Variants in CACNA2D3 observed in about 807,000 individuals in gnomAD.
The protein encoded by CACNA2D3 is calcium voltage-gated channel auxiliary subunit alpha2delta 3.
Under a neutral mutation model 160.6 loss-of-function variants are expected in CACNA2D3, and 60 were observed. That is an observed-to-expected ratio of 0.37 (90% confidence interval 0.30 to 0.46). CACNA2D3 has a LOEUF of 0.46. CACNA2D3 is among the 20% of genes least tolerant of loss of function. The pLI is 1.00. For missense variants in CACNA2D3, 1,205 were observed against 1,365.0 expected (o/e 0.88, Z 1.85); for synonymous variants, 558 against 492.9 (o/e 1.13, Z -1.75).
At chr3:54,731,382 A>G (rs59004379) in intron 11 of CACNA2D3, among the ~76,000 whole-genome samples, 31,257 of 152,166 alleles carry the variant, frequency 0.21, 3,476 homozygotes, top group African/African-American at 0.24. Context: ...TAGGTTCTTC[A>G]GACCCTCATA....
At chr3:54,948,533 A>C (rs1324066550) in intron 27 of CACNA2D3, among the ~76,000 whole-genome samples, 1 of 151,244 alleles carries the variant, frequency 6.6e-6, no homozygotes, top group Non-Finnish European at 1.5e-5. Flanking sequence ...CACCATGAGC[A>C]CCTCTGCATG....
intron 18 of CACNA2D3, among the ~76,000 whole-genome samples, chr3:54,876,582 A>G (rs142774011): frequency 2.0e-5 from 3 of 152,370 alleles, no homozygotes; most frequent in Non-Finnish European, 4.4e-5. Context: ...TATTAATGCT[A>G]TAAAGTATTT....
intron 13 of CACNA2D3, among the ~76,000 whole-genome samples, chr3:54,806,881 G>A (rs1018391328): frequency 2.0e-5 from 3 of 152,084 alleles, no homozygotes; most frequent in African/African-American, 7.2e-5. Flanking sequence ...ACAGAACAGA[G>A]CCCTCAGAAA....
At chr3:54,291,974 A>G (rs1703218202) in intron 2 of CACNA2D3, among the ~76,000 whole-genome samples, 1 of 152,244 alleles carries the variant, frequency 6.6e-6, no homozygotes, top group South Asian at 2.1e-4. Context: ...TAAAGTTGAA[A>G]AACAACATTA....
intron 13 of CACNA2D3, among the ~76,000 whole-genome samples, chr3:54,795,872 G>A (rs1275213040): frequency 1.3e-5 from 2 of 152,132 alleles, no homozygotes; most frequent in South Asian, 2.1e-4. Context: ...ATTAATCAAC[G>A]GCAGGAAAAA....
At chr3:54,871,658 C>T in intron 18 of CACNA2D3, 36 bp downstream of exon 18, 1 of 1,502,806 alleles carries the variant, frequency 6.7e-7, no homozygotes, top group Non-Finnish European at 9.3e-7. Context: ...TGGAGAAGGA[C>T]CTGCATTGTA....
chr3:54,157,589 A>G (rs1282519540), intron 2 of CACNA2D3, among the ~76,000 whole-genome samples: 3 of 152,186 alleles, frequency 2.0e-5, no homozygotes, highest in African/African-American at 7.2e-5. Context: ...CGGGAGTTCG[A>G]GACCAGCCTG....
rs1559478654 is a variant in CACNA2D3, at chr3:55,067,100, G to GGT, written c.2988-6345_2988-6344insGT. 6.3e-5 allele frequency among the ~76,000 whole-genome samples: 9 copies of GGT among 143,596 alleles called. No homozygotes were observed. The South Asian group carries it at 1.5e-3, about 24-fold the overall frequency. 94.2% of individuals were successfully genotyped at this position (143,596 alleles called of 152,430 possible). On this transcript the variant is annotated intron_variant, in intron 35 of 37. Transcript: ENST00000474759. ...ATCTTTCCGCTGGCAATCTTTTGTA[G>GGT]CGGGGGGGGCTTTTCTCCTCTCAGT...
intron 9 of CACNA2D3, among the ~76,000 whole-genome samples, chr3:54,602,246 C>G (rs6804566): frequency 0.11 from 16,974 of 152,136 alleles, 1,302 homozygotes; most frequent in African/African-American, 0.21. Flanking sequence ...GCCTGTAATC[C>G]TAGCATTTTG....
chr3:54,194,872 C>A (rs1701050518), intron 2 of CACNA2D3, among the ~76,000 whole-genome samples: 1 of 152,198 alleles, frequency 6.6e-6, no homozygotes, highest in Non-Finnish European at 1.5e-5. Flanking sequence ...ATCACAATGG[C>A]CATTACATTC....
intron 2 of CACNA2D3, among the ~76,000 whole-genome samples, chr3:54,266,606 G>C (rs1313148718): frequency 6.6e-6 from 1 of 152,180 alleles, no homozygotes; most frequent in African/African-American, 2.4e-5. Context: ...ATTCATATTT[G>C]CTGATGAGTG....
chr3:54,820,006 A>C (rs1703551082), intron 14 of CACNA2D3, among the ~76,000 whole-genome samples: 1 of 152,136 alleles, frequency 6.6e-6, no homozygotes, highest in Admixed American at 6.5e-5. Context: ...GACATTACCC[A>C]TAGATTTCAC....
At chr3:54,286,834 G>A (rs9843365) in intron 2 of CACNA2D3, among the ~76,000 whole-genome samples, 86,818 of 151,198 alleles carry the variant, frequency 0.57, 25,723 homozygotes, top group East Asian at 0.72. Flanking sequence ...ACTAAGCTTC[G>A]TAAGTGAAGG....
intron 35 of CACNA2D3, among the ~76,000 whole-genome samples, chr3:55,023,745 T>G (rs531416617): frequency 3.2e-4 from 49 of 152,080 alleles, no homozygotes; most frequent in Non-Finnish European, 5.9e-4. Context: ...ATAATTGTTA[T>G]GTAAGTTTTT....
chr3:54,224,405 A>G (rs73087948), intron 2 of CACNA2D3, among the ~76,000 whole-genome samples: 7,281 of 152,254 alleles, frequency 0.048, 290 homozygotes, highest in East Asian at 0.21. Context: ...GTACGTAACT[A>G]TATGTGCTAT....
In CACNA2D3 at chr3:54,450,463, T is replaced by A. The variant is rs75735487; in HGVS notation, c.382-53029T>A. 8.5e-3 allele frequency among the ~76,000 whole-genome samples: 1,300 copies of A among 152,262 alleles called. 13 individuals are homozygous for A. Among genetic ancestry groups the A allele is most frequent in the African/African-American group, 0.027 (1,106 of 41,542 alleles). ...GTCCCCTATGAATCTCATATTGAAA[T>A]TTGATCCCCATTGTTGGAGGTGAGG... On this transcript the variant is annotated intron_variant, in intron 4 of 37. Transcript: ENST00000474759.
chr3:54,174,506 C>T (rs72972030), intron 2 of CACNA2D3, among the ~76,000 whole-genome samples: 2,443 of 152,116 alleles, frequency 0.016, 59 homozygotes, highest in African/African-American at 0.057. Flanking sequence ...GGGGTTATTA[C>T]AAAAGTAGAA....
In CACNA2D3 at chr3:54,898,228, C is replaced by CTT. The variant is rs1182998445; in HGVS notation, c.2368+1369_2368+1370dup. 6.2e-5 allele frequency among the ~76,000 whole-genome samples: 8 copies of CTT among 128,176 alleles called. No homozygotes were observed. The East Asian group carries it at 1.3e-3, about 21-fold the overall frequency. The allele number at this position is 128,176 out of a possible 152,430, so 84.1% of individuals were successfully genotyped here. A position where few individuals can be genotyped will look rare whatever the true frequency, so the allele number is the denominator to read the frequency against. On this transcript the variant is annotated intron_variant, in intron 26 of 37. Transcript: ENST00000474759. ...CTCTCTCTTCTCCGCCCCACCCCGT[C>CTT]TTTTTTTTTTTTGAGACAGAGTCTT...
intron 14 of CACNA2D3, among the ~76,000 whole-genome samples, chr3:54,820,014 C>T (rs1559594283): frequency 6.6e-6 from 1 of 151,988 alleles, no homozygotes; most frequent in Non-Finnish European, 1.5e-5. Context: ...CCATAGATTT[C>T]ACTCATCTGT....
Sources: gnomAD v4.1 joint callset for allele counts (sites outside exome capture counted in the v4.1 genomes callset) on GRCh38, gnomAD v4.1.1 for gene constraint, MANE v1.5 for transcripts, NCBI Gene and HGNC (gene_info 2026-07-23, HGNC 2026-07-21) for gene names.